Variants in LAMA3 observed in about 807,000 individuals in gnomAD.
LAMA3 encodes laminin subunit alpha-3.
In LAMA3, 281 loss-of-function variants were observed where a neutral mutation model predicts 402.0. That is an observed-to-expected ratio of 0.70 (90% confidence interval 0.63 to 0.77). The LOEUF (loss-of-function observed/expected upper bound fraction) is 0.77, where lower values mean the gene tolerates loss of function less well. Ranked by LOEUF, LAMA3 falls within the 30% of genes least tolerant of loss-of-function variation. The pLI is 0.00. For synonymous variants in LAMA3, 1,431 were observed against 1,558.4 expected, an observed-to-expected ratio of 0.92 and a Z score of 1.93; for missense variants, 3,840 against 4,215.5, an observed-to-expected ratio of 0.91 and a Z score of 2.47.
At position 23,946,279 on chromosome 18, in the gene LAMA3, C is replaced by T. The variant is rs2082709975; in HGVS notation, c.9346C>T (p.Pro3116Ser). Residue 3116 changes from proline (P) to serine (S), a missense_variant, in exon 70 of 75, where the codon CCA (proline) becomes TCA (serine). Transcript: ENST00000313654. ...VYLGSPPSGK[P>S]KSLPTNSFVG... ...CCTGGGATCACCTCCATCAGGGAAA[C>T]CAAAGGTAAATAGTTATGTTCAGAG... The T allele has an allele frequency of 6.2e-7, 1 of 1,613,962 alleles. No homozygotes were observed.
In LAMA3 at chr18:23,833,893, C is replaced by T. The variant is rs1410614754; in HGVS notation, c.2889C>T (p.Ser963=). The change falls in exon 24 of 75, where the codon TCC becomes TCT. Residue 963 remains serine (S), a synonymous_variant. Coordinates refer to ENST00000313654, the MANE Select transcript of LAMA3 (RefSeq NM_198129.4). ...ACTACGTGGTTGTGGTCGAGTATTC[C>T]ACGGAGGCAGCTCAGCTGTTTGTGG... The part of the protein sequence containing the change: ...VGHYVVVVEY[S]TEAAQLFVVD... 2 of 1,614,116 alleles carry T rather than the reference C, an allele frequency of 1.2e-6. No individual in the cohort carries two copies. The highest frequency in any genetic ancestry group is 1.3e-5 in the African/African-American group (1 of 75,036).
intron 47 of LAMA3, 70 bp from the exon 48 acceptor site, chr18:23,901,053 CCCTT>C (rs1699517623): frequency 7.6e-7 from 1 of 1,315,886 alleles, no homozygotes; most frequent in Non-Finnish European, 1.1e-6. Flanking sequence ...ACTCGATTCT[CCCTT>C]TGTAGTTTTT....
At chr18:23,697,153 G>C (rs1481754444) in intron 1 of LAMA3, among the ~76,000 whole-genome samples, 1 of 152,224 alleles carries the variant, frequency 6.6e-6, no homozygotes, top group African/African-American at 2.4e-5. Context: ...ATTTGCTACA[G>C]AGAAGAACTT....
At chr18:23,737,708 C>A (rs574545384) in intron 2 of LAMA3, among the ~76,000 whole-genome samples, 1 of 152,340 alleles carries the variant, frequency 6.6e-6, no homozygotes, top group Admixed American at 6.5e-5. Context: ...CCTGCCCTGG[C>A]CCACAGCAGC....
At chr18:23,690,776 A>ATT (rs34003789) in intron 1 of LAMA3, among the ~76,000 whole-genome samples, 4 of 128,140 alleles carry the variant, frequency 3.1e-5, no homozygotes, top group East Asian at 4.4e-4. Context: ...GTGCCTGGCA[A>ATT]TTTTTTTTTT....
chr18:23,745,112 T>G (rs1360881962), intron 2 of LAMA3, among the ~76,000 whole-genome samples: 2 of 152,150 alleles, frequency 1.3e-5, no homozygotes, highest in East Asian at 3.8e-4. Context: ...GAAGATAACA[T>G]GCTGAAGTAT....
rs564176676 is a variant in LAMA3 at position 23,773,730 on chromosome 18, C to T, written c.1273+143C>T. The T allele has an allele frequency of 9.4e-4, 638 of 679,938 alleles. No homozygotes were observed. Among genetic ancestry groups the T allele is most frequent in the Admixed American group, 1.7e-3 (78 of 46,944 alleles). 42.1% of individuals were successfully genotyped at this position (679,938 alleles called of 1,614,324 possible). A position where few individuals can be genotyped will look rare whatever the true frequency, so the allele number is the denominator to read the frequency against. ...GTTGTGCTCGCTATGTGACCTCAGTCACTTACACAGTCTCTTTGAATTTTG... is the reference window on the plus strand; with the variant it reads ...GTTGTGCTCGCTATGTGACCTCAGTTACTTACACAGTCTCTTTGAATTTTG... On this transcript the variant is annotated intron_variant, in intron 9 of 74. Coordinates refer to ENST00000313654, the MANE Select transcript of LAMA3 (RefSeq NM_198129.4).
chr18:23,694,237 A>G (rs2060644601), intron 1 of LAMA3, among the ~76,000 whole-genome samples: 1 of 152,230 alleles, frequency 6.6e-6, no homozygotes, highest in Non-Finnish European at 1.5e-5. Flanking sequence ...ATACGGGTTT[A>G]AAGTGATTAT....
At chr18:23,811,224 C>A (rs182627713) in intron 13 of LAMA3, among the ~76,000 whole-genome samples, 56 of 152,304 alleles carry the variant, frequency 3.7e-4, no homozygotes, top group Middle Eastern at 3.4e-3. Flanking sequence ...TTTCCCTGGG[C>A]TCCCTGGTGT....
At chr18:23,747,907 A>G (rs752383005) in intron 2 of LAMA3, 36 bp from the exon 3 acceptor site, 1 of 1,160,272 alleles carries the variant, frequency 8.6e-7, no homozygotes, top group Non-Finnish European at 1.3e-6. Context: ...AATCGATGAG[A>G]TGACATTAAT....
chr18:23,777,758 G>A (rs1042490228), intron 11 of LAMA3, 139 bp downstream of exon 11: 1 of 732,940 alleles, frequency 1.4e-6, no homozygotes, highest in Admixed American at 2.0e-5. Flanking sequence ...GTGTCTCCTA[G>A]TTGACCTACT....
At chr18:23,780,925 C>A (rs889660401) in intron 11 of LAMA3, among the ~76,000 whole-genome samples, 1 of 152,142 alleles carries the variant, frequency 6.6e-6, no homozygotes, top group Non-Finnish European at 1.5e-5. Flanking sequence ...TTGACACCAG[C>A]ATGGAGAATG....
intron 32 of LAMA3, among the ~76,000 whole-genome samples, chr18:23,857,107 C>T (rs1182701783): frequency 6.6e-6 from 1 of 152,190 alleles, no homozygotes; most frequent in African/African-American, 2.4e-5. Context: ...GCAGCAGCTA[C>T]CGTGTTCTGT....
intron 18 of LAMA3, among the ~76,000 whole-genome samples, chr18:23,818,201 C>A (rs1023108277): frequency 3.9e-5 from 6 of 152,098 alleles, no homozygotes; most frequent in Non-Finnish European, 7.4e-5. Flanking sequence ...CTTGCTCCAC[C>A]CTGGTGTTGA....
At chr18:23,800,933 A>G (rs189610274) in intron 12 of LAMA3, among the ~76,000 whole-genome samples, 59 of 152,200 alleles carry the variant, frequency 3.9e-4, no homozygotes, top group African/African-American at 1.3e-3. Flanking sequence ...TCATCTGTTG[A>G]TGGGCATTTA....
At position 23,845,223 on chromosome 18, in the gene LAMA3, T is replaced by A. The variant is rs558236561; in HGVS notation, c.3719+99T>A. The A allele has an allele frequency of 8.0e-6, 6 of 747,506 alleles. No homozygotes were observed. In the African/African-American group the frequency reaches 8.6e-5, roughly 11 times the overall value. 46.3% of individuals were successfully genotyped at this position (747,506 alleles called of 1,614,324 possible). On this transcript the variant is annotated intron_variant, in intron 30 of 74. Coordinates refer to ENST00000313654, the MANE Select transcript of LAMA3 (RefSeq NM_198129.4). ...GAGGGGCTGGCCCATGGATCCGTCC[T>A]CTTCCCCGCACTGCCCAAGAGAGTG...
chr18:23,763,081 T>G (rs960964631), intron 7 of LAMA3, among the ~76,000 whole-genome samples: 6 of 152,142 alleles, frequency 3.9e-5, no homozygotes, highest in Non-Finnish European at 5.9e-5. Context: ...GGTCTCGAAC[T>G]CCTGAACTCA....
chr18:23,705,446 G>GACACACAC (rs1426163123), intron 1 of LAMA3, among the ~76,000 whole-genome samples: 12 of 82,120 alleles, frequency 1.5e-4, no homozygotes, highest in Non-Finnish European at 2.7e-4. Context: ...GTATTATCAT[G>GACACACAC]ACATACACAC....
Position 23,939,385 on chromosome 18 carries a change from A to G in LAMA3, c.9025A>G (p.Arg3009Gly). The G allele has an allele frequency of 6.2e-7, 1 of 1,614,036 alleles. No individual in the cohort carries two copies. The highest frequency in any genetic ancestry group is 1.1e-5 in the South Asian group (1 of 91,078). The change falls in exon 68 of 75, where the codon AGG becomes GGG. Residue 3009 changes from arginine (R) to glycine (G), a missense_variant and splice_region_variant. Around this residue, in one of 3 missense-constraint regions of LAMA3, gnomAD observed 840 missense variants for 981.9 expected, o/e 0.86. Transcript: ENST00000313654. ...FKLPQELLKPRSQFAVDMQTT... is the reference protein window; with the variant it reads ...FKLPQELLKPGSQFAVDMQTT... ...GCTTCCTCAGGAGCTGCTGAAACCC[A>G]GGTATTATTTAGCTTTCCTGCCCCA...
Sources: gnomAD v4.1 joint callset for allele counts (sites outside exome capture counted in the v4.1 genomes callset) on GRCh38, gnomAD v4.1.1 for gene constraint, gnomAD v4.1.1 regional missense constraint, MANE v1.5 for transcripts, NCBI Gene and HGNC (gene_info 2026-07-23, HGNC 2026-07-21) for gene names.